ACBD4: variants seen among roughly 807,000 people sequenced by gnomAD.
ACBD4 encodes the protein acyl-CoA-binding domain-containing protein 4.
ACBD4 carries 41 observed loss-of-function variants against 46.0 expected under a neutral mutation model. That is an observed-to-expected ratio of 0.89 (90% CI 0.69 to 1.16). The LOEUF (loss-of-function observed/expected upper bound fraction) is 1.16. Ranked by LOEUF, ACBD4 falls within the 50% of genes most tolerant of loss-of-function variation. The pLI, the probability that ACBD4 is intolerant of heterozygous loss-of-function variation, is 0.00. For synonymous variants in ACBD4, 162 were observed against 155.9 expected (o/e 1.04, Z -0.29); for missense variants, 393 against 399.5 (o/e 0.98, Z 0.14).
At chr17:45,134,650 G>A (rs1017327665), upstream of ACBD4, among the ~76,000 whole-genome samples, 1 of 151,998 alleles carries the variant, frequency 6.6e-6, no homozygotes, top group Non-Finnish European at 1.5e-5. Flanking sequence ...GGTGGCGAGC[G>A]CCTGTAATCC....
At chr17:45,137,476 G>A in intron 6 of ACBD4, 22 bp downstream of exon 6, 1 of 1,613,456 alleles carries the variant, frequency 6.2e-7, no homozygotes, top group Non-Finnish European at 8.5e-7. Context: ...AGCAGGAGGG[G>A]TGGACCAAAC....
upstream of ACBD4, chr17:45,135,509 C>T (rs2143739786): frequency 6.6e-6 from 1 of 152,422 alleles, no homozygotes; most frequent in South Asian, 2.1e-4. Context: ...GGAAGTCCGA[C>T]CCTTCGATTA....
upstream of ACBD4, chr17:45,135,203 TGATCCGCCCGCCTTGGCCTCC>T (rs1404320691): frequency 2.0e-5 from 3 of 152,180 alleles, no homozygotes; most frequent in African/African-American, 7.2e-5. Context: ...TGACCTCAGG[TGATCCGCCCGCCTTGGCCTCC>T]CAAAGTTCTG....
chr17:45,132,528 G>A (rs1184233596), upstream of ACBD4: 4 of 416,582 alleles, frequency 9.6e-6, no homozygotes, highest in Non-Finnish European at 1.4e-5. The surrounding 1 kb of genome is among the most constrained non-coding windows in gnomAD (Gnocchi z 4.6). Flanking sequence ...ACTTAGCGGC[G>A]CGGGAGGGAG....
rs2143844827 is a variant in ACBD4, at chr17:45,139,022, G to A, written c.651G>A (p.Glu217=). ...TCCCTGTGTGTCTGTGCTCCGCAGA[G>A]GGGTTGCGGGGCAGCCCGCCGGGGC... is the stretch of plus-strand genomic sequence containing the variant. ...RNSPVPPTKK[E]GLRGSPPGPQ... The change falls in exon 9 of 10, where the codon GAG becomes GAA. Residue 217 remains glutamate (E), a splice_region_variant and synonymous_variant. Transcript: ENST00000321854. 2 of 1,612,930 alleles carry A rather than the reference G, an allele frequency of 1.2e-6. No homozygotes were observed. Among genetic ancestry groups the A allele is most frequent in the Non-Finnish European group, 1.7e-6 (2 of 1,179,964 alleles).
intron 8 of ACBD4, among the ~76,000 whole-genome samples, 200 bp from the exon 9 acceptor site, chr17:45,138,821 G>A (rs2055062553): frequency 1.3e-5 from 2 of 151,828 alleles, no homozygotes; most frequent in African/African-American, 4.8e-5. Context: ...GACTTGATCT[G>A]TGTCATAAGC....
chr17:45,136,007 G>C lies in ACBD4; in HGVS notation c.-38+54G>C, dbSNP rs1222200034. The C allele has an allele frequency of 9.3e-5, 72 of 773,620 alleles. No individual in the cohort carries two copies. In the East Asian group the frequency reaches 1.8e-3, roughly 19 times the overall value. The allele number at this position is 773,620 out of a possible 1,614,324, so 47.9% of individuals were successfully genotyped here. ...CTTCTGACCTCCCAGGGTGTCTGAG[G>C]CCTCTAAAGAGCTTAGTTTGCCCCT... On this transcript the variant is annotated intron_variant, in intron 1 of 9. Transcript: ENST00000321854.
intron 6 of ACBD4, 80 bp downstream of exon 6, chr17:45,137,534 G>A: frequency 1.3e-6 from 2 of 1,509,104 alleles, no homozygotes; most frequent in South Asian, 1.1e-5. Flanking sequence ...GCCACGCTGT[G>A]CCCTCCACAG....
chr17:45,132,834 C>T, upstream of ACBD4, among the ~76,000 whole-genome samples: 1 of 152,160 alleles, frequency 6.6e-6, no homozygotes, highest in Non-Finnish European at 1.5e-5. This position sits in a 1 kb window ranked among gnomAD's most constrained non-coding sequence, Gnocchi z 4.6. Context: ...TGACGCAGGA[C>T]CCCCTCCTCC....
intron 9 of ACBD4, among the ~76,000 whole-genome samples, chr17:45,141,363 A>C (rs1164669320): frequency 6.6e-6 from 1 of 152,100 alleles, no homozygotes; most frequent in Non-Finnish European, 1.5e-5. Context: ...TGTGAACTGG[A>C]GGTTAGATCT....
chr17:45,135,921 C>G lies in ACBD4; in HGVS notation c.-70C>G, dbSNP rs186090952. 391 of 537,754 alleles carry G rather than the reference C, an allele frequency of 7.3e-4. No homozygotes were observed. Among genetic ancestry groups the G allele is most frequent in the African/African-American group, 6.8e-3 (357 of 52,646 alleles). The allele number at this position is 537,754 out of a possible 1,614,324, so 33.3% of individuals were successfully genotyped here. ...AGGCCCTCGCCACCTGCCTCGCCAC[C>G]TGGCGACCCTGACCCCACCACACTG... On this transcript the variant is annotated 5_prime_UTR_variant, in exon 1 of 10. Coordinates refer to ENST00000321854, the MANE Select transcript of ACBD4 (RefSeq NM_001135705.3).
chr17:45,140,168 TG>T (rs2055174958), intron 9 of ACBD4, among the ~76,000 whole-genome samples: 1 of 143,086 alleles, frequency 7.0e-6, no homozygotes. Flanking sequence ...TCTTTTCTTC[TG>T]TTTTTTTTTT....
Position 45,142,389 on chromosome 17 carries a change from C to CAAAAAAAAAAAAAAAAAAAAAAA in ACBD4, c.790-1046_790-1024dup, listed in dbSNP as rs1161132274. Among the ~76,000 whole-genome samples the CAAAAAAAAAAAAAAAAAAAAAAA allele has an allele frequency of 8.0e-4, 23 of 28,582 alleles. 1 individual carries two copies. Among genetic ancestry groups the CAAAAAAAAAAAAAAAAAAAAAAA allele is most frequent in the Non-Finnish European group, 9.8e-4 (17 of 17,334 alleles). 18.8% of individuals were successfully genotyped at this position (28,582 alleles called of 152,430 possible). ...GCCTGGGAGACAGAGCAAGACTCCT[C>CAAAAAAAAAAAAAAAAAAAAAAA]AAAAAAAAAAAAAAAAAAAAAAAAA... is the stretch of plus-strand genomic sequence containing the variant. On this transcript the variant is annotated intron_variant, in intron 9 of 9. Transcript: ENST00000321854.
intron 9 of ACBD4, 83 bp from the exon 10 acceptor site, chr17:45,143,360 C>A: frequency 1.6e-6 from 2 of 1,223,614 alleles, no homozygotes; most frequent in Non-Finnish European, 2.2e-6. Context: ...TCTTTCCAAT[C>A]TTCCACTGAA....
chr17:45,135,811 C>A lies in ACBD4; in HGVS notation c.-180C>A. The A allele has an allele frequency of 3.6e-6, 1 of 274,064 alleles. No individual in the cohort carries two copies. The highest frequency in any genetic ancestry group is 9.1e-5 in the East Asian group (1 of 11,038). 17.0% of individuals were successfully genotyped at this position (274,064 alleles called of 1,614,324 possible). ...GAGACTGTTCGCCCCGCCCTGAGTA[C>A]TCCTATCTTGTTTCTCCACCTGTTC... On this transcript the variant is annotated 5_prime_UTR_variant, in exon 1 of 10. Coordinates refer to ENST00000321854, the MANE Select transcript of ACBD4 (RefSeq NM_001135705.3).
rs2143809781 is a variant in ACBD4, at chr17:45,137,762, T to C, written c.505T>C (p.Ser169Pro). The change falls in exon 7 of 10, where the codon TCC becomes CCC. Residue 169 changes from serine to proline, a missense_variant and splice_region_variant. Around this residue, in one of 3 missense-constraint regions of ACBD4, gnomAD observed 308 missense variants for 301.8 expected, o/e 1.02. Coordinates refer to ENST00000321854, the MANE Select transcript of ACBD4 (RefSeq NM_001135705.3). The stretch of plus-strand genomic sequence containing the variant: ...TAACTCTACCAACCCCTCCACAGAG[T>C]CCCATTCACCCAGGGACCTGGACTC... ...PKEPAPPSPE[S>P]HSPRDLDSEV... 4 of 1,613,504 alleles carry C rather than the reference T, an allele frequency of 2.5e-6. No individual in the cohort carries two copies. In the African/African-American group the frequency reaches 4.0e-5, roughly 16 times the overall value.
intron 8 of ACBD4, among the ~76,000 whole-genome samples, chr17:45,138,802 AAAG>A (rs1454065873): frequency 6.6e-6 from 1 of 152,162 alleles, no homozygotes; most frequent in Non-Finnish European, 1.5e-5. Flanking sequence ...AAAAAAAAAA[AAAG>A]GTAATGACTT....
At chr17:45,135,985 C>T (rs556747948) in intron 1 of ACBD4, 32 bp downstream of exon 1, 1 of 674,946 alleles carries the variant, frequency 1.5e-6, no homozygotes, top group South Asian at 1.9e-5. Flanking sequence ...ACCACAACTT[C>T]TGACCTCCCA....
chr17:45,138,152 C>A, intron 8 of ACBD4, 164 bp downstream of exon 8: 1 of 747,060 alleles, frequency 1.3e-6, no homozygotes, highest in Non-Finnish European at 2.2e-6. Flanking sequence ...CAGATACCTG[C>A]CTGGATGGGC....
Sources: allele counts gnomAD v4.1 joint callset (sites outside exome capture counted in the v4.1 genomes callset), GRCh38; gene constraint gnomAD v4.1.1; regional missense constraint gnomAD v4.1.1; non-coding constraint Gnocchi (gnomAD v3.1); transcripts MANE v1.5; gene names NCBI Gene and HGNC (gene_info 2026-07-23, HGNC 2026-07-21).